Variants in CLSTN2 observed in about 807,000 individuals in gnomAD.
The protein encoded by CLSTN2 is calsyntenin-2.
Under a neutral mutation model 101.2 loss-of-function variants are expected in CLSTN2, and 48 were observed. The ratio of observed to expected loss-of-function variants is 0.47; its 90% CI spans 0.38 to 0.60. The LOEUF is 0.60. Ranked by LOEUF, CLSTN2 falls within the 20% of genes least tolerant of loss-of-function variation. The probability of loss-of-function intolerance (pLI) is 0.00; values close to 1 mark genes in which losing one functional copy is unlikely to be tolerated. For missense variants in CLSTN2, 1,160 were observed against 1,238.2 expected (o/e 0.94, Z 0.95); for synonymous variants, 481 against 463.6 (o/e 1.04, Z -0.48).
intron 8 of CLSTN2, 27 bp downstream of exon 8, chr3:140,466,758 C>T: frequency 1.9e-6 from 3 of 1,613,342 alleles, no homozygotes; most frequent in Non-Finnish European, 2.5e-6. Flanking sequence ...ACACCTGCTG[C>T]TACTCATGCC....
intron 2 of CLSTN2, among the ~76,000 whole-genome samples, chr3:140,319,416 G>T (rs373914205): frequency 6.6e-6 from 1 of 152,226 alleles, no homozygotes; most frequent in Non-Finnish European, 1.5e-5. Context: ...TAGAACAGGA[G>T]AATCAATTCC....
At chr3:140,163,318 A>T (rs934946064) in intron 1 of CLSTN2, among the ~76,000 whole-genome samples, 2 of 151,998 alleles carry the variant, frequency 1.3e-5, no homozygotes, top group African/African-American at 4.8e-5. Context: ...TGCAGCATCA[A>T]CTTCTGTCTG....
At chr3:140,207,477 A>G (rs887441433) in intron 2 of CLSTN2, among the ~76,000 whole-genome samples, 3 of 152,188 alleles carry the variant, frequency 2.0e-5, no homozygotes, top group East Asian at 3.8e-4. Context: ...GTGTCTTTAA[A>G]TGGGGATAGA....
intron 1 of CLSTN2, among the ~76,000 whole-genome samples, chr3:139,955,158 A>C (rs1474307873): frequency 1.7e-5 from 2 of 118,822 alleles, no homozygotes; most frequent in East Asian, 2.7e-4. Context: ...CAGTCACTGA[A>C]ATATAACATC....
In CLSTN2 at chr3:139,993,043, G is replaced by A. The variant is rs575589486; in HGVS notation, c.109+57560G>A. Reference sequence around the variant, plus strand: ...TTTTCAATTCCCCTATGAGGAAAGAGGGCTGATTGGTCAATGCGTGAGATC... The same window carrying A: ...TTTTCAATTCCCCTATGAGGAAAGAAGGCTGATTGGTCAATGCGTGAGATC... On this transcript the variant is annotated intron_variant, in intron 1 of 16. Transcript: ENST00000458420. Among the ~76,000 whole-genome samples, 19 of 152,252 alleles carry A rather than the reference G, an allele frequency of 1.2e-4. No homozygotes were observed. In the South Asian group the frequency reaches 3.7e-3, roughly 30 times the overall value.
At chr3:140,214,868 G>A (rs188976705) in intron 2 of CLSTN2, among the ~76,000 whole-genome samples, 12 of 152,314 alleles carry the variant, frequency 7.9e-5, no homozygotes, top group African/African-American at 2.6e-4. Context: ...AAGCGTAGGT[G>A]CCATATATTT....
intron 1 of CLSTN2, among the ~76,000 whole-genome samples, chr3:140,148,767 G>A (rs2009819060): frequency 6.6e-6 from 1 of 152,180 alleles, no homozygotes. Flanking sequence ...TGCCATTAGA[G>A]CTGCTAAGAA....
chr3:140,522,365 T>G (rs1000159421), intron 8 of CLSTN2, among the ~76,000 whole-genome samples: 3 of 152,230 alleles, frequency 2.0e-5, no homozygotes, highest in Middle Eastern at 3.2e-3. Flanking sequence ...TACTAGTGTT[T>G]AAATTAGTGG....
At chr3:140,214,616 A>T (rs1488216552) in intron 2 of CLSTN2, among the ~76,000 whole-genome samples, 1 of 152,156 alleles carries the variant, frequency 6.6e-6, no homozygotes, top group Non-Finnish European at 1.5e-5. Context: ...CATCTTTCTA[A>T]CACATCTTCA....
chr3:140,243,553 G>A (rs1218545099), intron 2 of CLSTN2, among the ~76,000 whole-genome samples: 1 of 152,206 alleles, frequency 6.6e-6, no homozygotes, highest in African/African-American at 2.4e-5. Flanking sequence ...TGTCATATGG[G>A]TGTCCCTGTG....
At position 140,011,834 on chromosome 3, in the gene CLSTN2, G is replaced by A. The variant is rs148083028; in HGVS notation, c.109+76351G>A. On this transcript the variant is annotated intron_variant, in intron 1 of 16. Transcript: ENST00000458420. Reference sequence around the variant, plus strand: ...TTGAATTGCTGACACCAGGGTCCCAGTGACAGGCAGTGGGTGTGGGGTGAG... The same window carrying A: ...TTGAATTGCTGACACCAGGGTCCCAATGACAGGCAGTGGGTGTGGGGTGAG... 1.3e-4 allele frequency among the ~76,000 whole-genome samples: 20 copies of A among 152,154 alleles called. No individual in the cohort carries two copies. The East Asian group carries it at 3.7e-3, about 28-fold the overall frequency.
chr3:139,955,137 T>TATATATATATATATATAC (rs1231560755), intron 1 of CLSTN2, among the ~76,000 whole-genome samples: 1 of 139,236 alleles, frequency 7.2e-6, no homozygotes, highest in African/African-American at 2.7e-5. Flanking sequence ...TATATATATA[T>TATATATATATATATATAC]ATGGCAATTC....
Position 140,227,045 on chromosome 3 carries a change from A to G in CLSTN2, c.232+50972A>G, listed in dbSNP as rs188177492. Among the ~76,000 whole-genome samples the G allele has an allele frequency of 9.7e-4, 148 of 152,290 alleles. No individual in the cohort carries two copies. In the South Asian group the frequency reaches 9.7e-3, roughly 10 times the overall value. ...CTACTCCTGGTCCCTCCCAAATCTCATGTCCTCACATTTCAAAACCAATCA... is the reference window on the plus strand; with the variant it reads ...CTACTCCTGGTCCCTCCCAAATCTCGTGTCCTCACATTTCAAAACCAATCA... On this transcript the variant is annotated intron_variant, in intron 2 of 16. Coordinates refer to ENST00000458420, the MANE Select transcript of CLSTN2 (RefSeq NM_022131.3).
In CLSTN2 at chr3:140,236,353, G is replaced by T. The variant is rs528473257; in HGVS notation, c.232+60280G>T. ...TTGTTTCTGATGGAAAGTCTGAGAAGTCTGCTATCAATCTTAGTTTATGTG... is the reference window on the plus strand; with the variant it reads ...TTGTTTCTGATGGAAAGTCTGAGAATTCTGCTATCAATCTTAGTTTATGTG... On this transcript the variant is annotated intron_variant, in intron 2 of 16. Transcript: ENST00000458420. 1.4e-4 allele frequency among the ~76,000 whole-genome samples: 21 copies of T among 152,252 alleles called. 1 individual carries two copies. The South Asian group carries it at 4.4e-3, about 32-fold the overall frequency.
intron 2 of CLSTN2, among the ~76,000 whole-genome samples, chr3:140,298,147 T>G (rs2087021469): frequency 1.3e-5 from 2 of 152,262 alleles, no homozygotes; most frequent in Admixed American, 1.3e-4. Flanking sequence ...CATAGTGATT[T>G]TAAGCCCTGG....
At chr3:140,495,768 G>T (rs981879709) in intron 8 of CLSTN2, among the ~76,000 whole-genome samples, 7 of 152,140 alleles carry the variant, frequency 4.6e-5, no homozygotes, top group African/African-American at 1.7e-4. Context: ...AAGATCAGAT[G>T]GTTGTAGGTG....
chr3:139,967,114 A>T (rs560930465), intron 1 of CLSTN2, among the ~76,000 whole-genome samples: 1 of 152,170 alleles, frequency 6.6e-6, no homozygotes, highest in Non-Finnish European at 1.5e-5. Flanking sequence ...CCCCTGGGCC[A>T]GTGCTCCTAA....
At chr3:140,554,662 G>A (rs1215507143) in intron 10 of CLSTN2, among the ~76,000 whole-genome samples, 4 of 152,218 alleles carry the variant, frequency 2.6e-5, no homozygotes, top group African/African-American at 7.2e-5. Flanking sequence ...CACTTGTAGT[G>A]ATGTATCCTA....
intron 1 of CLSTN2, among the ~76,000 whole-genome samples, chr3:140,156,490 A>T (rs1368844673): frequency 2.0e-5 from 3 of 152,196 alleles, no homozygotes; most frequent in Non-Finnish European, 4.4e-5. Flanking sequence ...CAGGCATTCT[A>T]TATGGCAGCT....
Sources: gnomAD v4.1 joint callset for allele counts (sites outside exome capture counted in the v4.1 genomes callset) on GRCh38, gnomAD v4.1.1 for gene constraint, MANE v1.5 for transcripts, NCBI Gene and HGNC (gene_info 2026-07-23, HGNC 2026-07-21) for gene names.